The following CDH23 variants were observed in gnomAD, a reference collection of about 807,000 sequenced individuals.
The protein encoded by CDH23 is cadherin-23.
CDH23 carries 189 observed loss-of-function variants against 317.1 expected under a neutral mutation model. That is an observed-to-expected ratio of 0.60 (90% CI 0.53 to 0.67). The LOEUF is 0.67. CDH23 is among the 30% of genes least tolerant of loss of function. The probability of loss-of-function intolerance (pLI) is 0.00; values close to 1 mark genes in which losing one functional copy is unlikely to be tolerated. For synonymous variants in CDH23, 1,839 were observed against 1,876.8 expected (o/e 0.98, Z 0.52); for missense variants, 4,401 against 4,592.4 (o/e 0.96, Z 1.20).
At chr10:71,436,481 G>A (rs1248244643) in intron 1 of CDH23, among the ~76,000 whole-genome samples, 1 of 152,224 alleles carries the variant, frequency 6.6e-6, no homozygotes, top group East Asian at 1.9e-4. Context: ...ACAAAGTCAG[G>A]AAACGGGAAC....
chr10:71,593,887 CA>C (rs1299781986), intron 9 of CDH23, among the ~76,000 whole-genome samples: 1 of 152,114 alleles, frequency 6.6e-6, no homozygotes, highest in Non-Finnish European at 1.5e-5. Flanking sequence ...TCTGTAAGGC[CA>C]AAGAGGTGGA....
At chr10:71,679,817 A>G (rs1252416707) in intron 17 of CDH23, among the ~76,000 whole-genome samples, 1 of 152,158 alleles carries the variant, frequency 6.6e-6, no homozygotes, top group African/African-American at 2.4e-5. Flanking sequence ...GGTCCGTGGG[A>G]TGGAAGCTCT....
intron 6 of CDH23, among the ~76,000 whole-genome samples, chr10:71,547,555 A>G (rs547314706): frequency 6.6e-6 from 1 of 152,180 alleles, no homozygotes; most frequent in Non-Finnish European, 1.5e-5. Flanking sequence ...ACACGCCCAG[A>G]TATGTATTTC....
At chr10:71,779,192 C>T in intron 40 of CDH23, 75 bp from the exon 41 acceptor site, 2 of 1,404,858 alleles carry the variant, frequency 1.4e-6, no homozygotes, top group East Asian at 2.3e-5. Flanking sequence ...AGGTCCATTT[C>T]ACAGAGGAAG....
intron 38 of CDH23, among the ~76,000 whole-genome samples, chr10:71,767,519 G>A (rs1269136328): frequency 6.6e-6 from 1 of 152,226 alleles, no homozygotes; most frequent in Admixed American, 6.5e-5. Context: ...AATGGGACCT[G>A]GTTCCAGCTC....
At chr10:71,742,077 A>G (rs1302954701) in intron 38 of CDH23, 156 bp downstream of exon 38, 3 of 697,150 alleles carry the variant, frequency 4.3e-6, no homozygotes, top group South Asian at 1.9e-5. Flanking sequence ...TCTGCCCAAG[A>G]TGGCCTCCCC....
chr10:71,536,172 G>A (rs1313495576), intron 6 of CDH23, among the ~76,000 whole-genome samples: 1 of 152,264 alleles, frequency 6.6e-6, no homozygotes, highest in Non-Finnish European at 1.5e-5. Context: ...GGAGGCACAG[G>A]GAGGGTTACT....
At chr10:71,694,042 G>T (rs1330301449) in intron 20 of CDH23, 105 bp from the exon 21 acceptor site, 1 of 890,096 alleles carries the variant, frequency 1.1e-6, no homozygotes, top group South Asian at 1.4e-5. Context: ...AACATTTCTC[G>T]TGCAAGTTCT....
chr10:71,785,486 C>T (rs949736343), intron 43 of CDH23, 145 bp from the exon 44 acceptor site: 10 of 637,062 alleles, frequency 1.6e-5, no homozygotes, highest in Admixed American at 1.4e-4. Flanking sequence ...CTCGCCCCGG[C>T]GAGACCCTGC....
In CDH23 at chr10:71,793,657, CCCTCCCA is replaced by C. The variant is rs758046105; in HGVS notation, c.6712+24_6712+30del. 2 of 1,524,408 alleles carry C rather than the reference CCCTCCCA, an allele frequency of 1.3e-6. No individual in the cohort carries two copies. Among genetic ancestry groups the C allele is most frequent in the Non-Finnish European group, 1.8e-6 (2 of 1,129,454 alleles). 94.4% of individuals were successfully genotyped at this position (1,524,408 alleles called of 1,614,324 possible). A position where few individuals can be genotyped will look rare whatever the true frequency, so the allele number is the denominator to read the frequency against. On this transcript the variant is annotated intron_variant, in intron 48 of 69. Transcript: ENST00000224721. ...TCAACACAGGTACAAGGGCCTGCACCCCTCCCACCTCCCTCCCAGCTCCCAGTCCTGT... is the reference window on the plus strand; with the variant it reads ...TCAACACAGGTACAAGGGCCTGCACCCCTCCCTCCCAGCTCCCAGTCCTGT...
chr10:71,707,091 G>C (rs1158610054), intron 26 of CDH23, 42 bp downstream of exon 26: 1 of 1,576,446 alleles, frequency 6.3e-7, no homozygotes, highest in African/African-American at 1.3e-5. Context: ...GCCTCCTGGG[G>C]CCCTGCCTCC....
chr10:71,472,071 C>T (rs1238061193), intron 3 of CDH23, among the ~76,000 whole-genome samples: 1 of 152,174 alleles, frequency 6.6e-6, no homozygotes, highest in Non-Finnish European at 1.5e-5. Context: ...GGGCCAGTCC[C>T]GAGCTTGTTT....
In CDH23 at chr10:71,648,797, C is replaced by T. The variant is rs184609829; in HGVS notation, c.1449+2180C>T. ...GGAACCAGCAGATCCGGCCAGCCTC[C>T]CTGGGTTCCTGGCTTCCTTCATCCA... is the stretch of plus-strand genomic sequence containing the variant. On this transcript the variant is annotated intron_variant, in intron 14 of 69. Coordinates refer to ENST00000224721, the MANE Select transcript of CDH23 (RefSeq NM_022124.6). Among the ~76,000 whole-genome samples, 4 of 152,288 alleles carry T rather than the reference C, an allele frequency of 2.6e-5. No homozygotes were observed. The East Asian group carries it at 5.8e-4, about 22-fold the overall frequency.
intron 6 of CDH23, among the ~76,000 whole-genome samples, chr10:71,565,504 T>G (rs1195080563): frequency 6.6e-6 from 1 of 152,066 alleles, no homozygotes; most frequent in Non-Finnish European, 1.5e-5. Context: ...GCCCGGGGAT[T>G]GGGGAAAGGC....
chr10:71,679,419 G>T lies in CDH23; in HGVS notation c.1785G>T (p.Gln595His). Residue 595 changes from glutamine to histidine, a missense_variant, in exon 17 of 70, where the codon CAG becomes CAT. By Grantham distance (24) the Gln-to-His change is conservative. This residue lies in a region of CDH23 where 3,068 missense variants were observed against 3,203.3 expected (regional missense o/e 0.96). Transcript: ENST00000224721. ...ATDEDSPPNNQITYSIVSASA... is the reference protein window; with the variant it reads ...ATDEDSPPNNHITYSIVSASA... ...ATGAAGACTCCCCTCCCAACAACCA[G>T]ATCACCTACAGCATTGTCAGTGCAT... 1 of 1,611,756 alleles carries T rather than the reference G, an allele frequency of 6.2e-7. No individual in the cohort carries two copies. The highest frequency in any genetic ancestry group is 1.1e-5 in the South Asian group (1 of 90,980).
At chr10:71,694,598 C>T (rs564056091) in intron 21 of CDH23, among the ~76,000 whole-genome samples, 7 of 152,312 alleles carry the variant, frequency 4.6e-5, no homozygotes, top group South Asian at 2.1e-4. Flanking sequence ...CAGAAGCAGG[C>T]ATTCCTGCGA....
chr10:71,629,715 G>A (rs1861913869), intron 11 of CDH23, among the ~76,000 whole-genome samples: 1 of 152,212 alleles, frequency 6.6e-6, no homozygotes, highest in Non-Finnish European at 1.5e-5. Context: ...ATAGCCCTGG[G>A]AAACACAAAA....
At chr10:71,401,248 G>A (rs1847769440) in intron 1 of CDH23, among the ~76,000 whole-genome samples, 1 of 152,154 alleles carries the variant, frequency 6.6e-6, no homozygotes, top group Admixed American at 6.5e-5. Context: ...TGGCTGGTGC[G>A]GGTGGGCTGC....
intron 6 of CDH23, among the ~76,000 whole-genome samples, chr10:71,538,669 C>A (rs1404474905): frequency 6.6e-6 from 1 of 152,224 alleles, no homozygotes; most frequent in Non-Finnish European, 1.5e-5. Flanking sequence ...GCTAGAACAA[C>A]TGCCTTGTCC....
Sources: allele counts gnomAD v4.1 joint callset (sites outside exome capture counted in the v4.1 genomes callset), GRCh38; gene constraint gnomAD v4.1.1; regional missense constraint gnomAD v4.1.1; transcripts MANE v1.5; gene names NCBI Gene and HGNC (gene_info 2026-07-23, HGNC 2026-07-21).